Variants in SAMD4B observed in about 807,000 individuals in gnomAD.
SAMD4B encodes sterile alpha motif domain containing 4B.
In SAMD4B, 5 loss-of-function variants were observed where a neutral mutation model predicts 74.5. The ratio of observed to expected loss-of-function variants is 0.07; its 90% confidence interval spans 0.04 to 0.14. SAMD4B has a LOEUF of 0.14. Ranked by LOEUF, SAMD4B falls within the 10% of genes least tolerant of loss-of-function variation. The pLI is 1.00. For synonymous variants in SAMD4B, 373 were observed against 374.9 expected, an observed-to-expected ratio of 1.00 and a Z score of 0.06; for missense variants, 608 against 921.8, an observed-to-expected ratio of 0.66 and a Z score of 4.41.
chr19:39,344,971 C>G (rs1235202961), intron 1 of SAMD4B, among the ~76,000 whole-genome samples: 1 of 152,208 alleles, frequency 6.6e-6, no homozygotes, highest in African/African-American at 2.4e-5. Context: ...ATAATCCCTT[C>G]CCCTATAGCA....
At chr19:39,357,166 A>G (rs756365308) in intron 3 of SAMD4B, 77 bp downstream of exon 3, 19 of 1,333,574 alleles carry the variant, frequency 1.4e-5, no homozygotes, top group Non-Finnish European at 1.8e-5. Flanking sequence ...AAGAAGGTCA[A>G]CCCAACAATG....
chr19:39,355,029 C>T (rs965846020), intron 2 of SAMD4B, among the ~76,000 whole-genome samples: 2 of 152,070 alleles, frequency 1.3e-5, no homozygotes, highest in Admixed American at 6.6e-5. Context: ...TGCAGTAGCA[C>T]GCCCGGCTAA....
At chr19:39,364,422 C>T (rs2076833996) in intron 3 of SAMD4B, among the ~76,000 whole-genome samples, 3 of 152,242 alleles carry the variant, frequency 2.0e-5, no homozygotes, top group Admixed American at 2.0e-4. Context: ...TATGAGTACA[C>T]TCTGTCAGAT....
intron 3 of SAMD4B, among the ~76,000 whole-genome samples, chr19:39,358,643 A>G (rs1425940845): frequency 1.3e-5 from 2 of 152,158 alleles, no homozygotes; most frequent in Non-Finnish European, 2.9e-5. Context: ...GATGATAATT[A>G]TATCTACCTT....
At position 39,377,820 on chromosome 19, in the gene SAMD4B, C is replaced by A. The variant is rs146070439; in HGVS notation, c.1440C>A (p.Gly480=). ...DIPSQFTRVM[G]KVCTQLLVSR... ...CCAGCCAGTTTACACGGGTGATGGG[C>A]AAAGGTGAGACCAGCCACAGCCTAG... The change falls in exon 8 of 14, where the codon GGC becomes GGA. Residue 480 remains glycine, a synonymous_variant. Transcript: ENST00000610417. 1,930 of 1,585,910 alleles carry A rather than the reference C, an allele frequency of 1.2e-3. 3 individuals are homozygous for A. Among genetic ancestry groups the A allele is most frequent in the Non-Finnish European group, 1.4e-3 (1,665 of 1,162,640 alleles).
Position 39,383,406 on chromosome 19 carries a change from G to A in SAMD4B, c.2057-93G>A. 1 of 1,562,196 alleles carries A rather than the reference G, an allele frequency of 6.4e-7. No individual in the cohort carries two copies. ...CCCAGGGGAGGCCAGACTCCAGGGAGGGCCTGACTGGGATGACAGGCTACC... is the reference window on the plus strand; with the variant it reads ...CCCAGGGGAGGCCAGACTCCAGGGAAGGCCTGACTGGGATGACAGGCTACC... On this transcript the variant is annotated intron_variant, in intron 13 of 13. Transcript: ENST00000610417. The surrounding 1 kb of genome is among the most constrained non-coding windows in gnomAD (Gnocchi z 4.1).
downstream of SAMD4B, chr19:39,386,338 C>T (rs2078248250): frequency 1.2e-6 from 2 of 1,614,192 alleles, no homozygotes; most frequent in East Asian, 2.2e-5. This position sits in a 1 kb window ranked among gnomAD's most constrained non-coding sequence, Gnocchi z 6.1. Flanking sequence ...CGTTCACTCT[C>T]GCTGCCCGAG....
chr19:39,350,526 C>T (rs900423440), intron 1 of SAMD4B: 5 of 152,294 alleles, frequency 3.3e-5, no homozygotes, highest in African/African-American at 1.2e-4. Context: ...AGTCTCCAGT[C>T]CCCCAGGCTG....
rs1445209810 is a variant in SAMD4B at position 39,380,748 on chromosome 19, C to A, written c.1811C>A (p.Ala604Asp). 1 of 1,582,108 alleles carries A rather than the reference C, an allele frequency of 6.3e-7. No individual in the cohort carries two copies. The highest frequency in any genetic ancestry group is 1.8e-5 in the Admixed American group (1 of 56,218). ...SGIGGVSPRH[A>D]LTSPSLGGQG... ...ATTGGGGGTGTCTCCCCTCGACATG[C>A]CCTCACCAGCCCCAGCCTTGGAGGC... Residue 604 changes from alanine (A) to aspartate (D), a missense_variant, in exon 11 of 14, where the codon GCC becomes GAC. Ala to Asp is a moderately radical substitution (Grantham distance 126, BLOSUM62 -2). Transcript: ENST00000610417.
chr19:39,377,410 G>A (rs1600579970), intron 7 of SAMD4B, 75 bp from the exon 8 acceptor site: 2 of 1,318,614 alleles, frequency 1.5e-6, no homozygotes, highest in East Asian at 2.4e-5. Flanking sequence ...AGCCCTGTCT[G>A]ACTCTCTGTG....
downstream of SAMD4B, chr19:39,385,818 G>A: frequency 1.0e-6 from 1 of 982,666 alleles, no homozygotes; most frequent in Admixed American, 2.6e-5. Flanking sequence ...GTATGTGCTG[G>A]GCTGAATGAC....
intron 3 of SAMD4B, among the ~76,000 whole-genome samples, chr19:39,366,730 G>T (rs1600553518): frequency 6.6e-6 from 1 of 152,194 alleles, no homozygotes; most frequent in African/African-American, 2.4e-5. Flanking sequence ...CCATCCTTCA[G>T]TGTGGGCAGA....
downstream of SAMD4B, among the ~76,000 whole-genome samples, chr19:39,387,788 TA>T (rs2078285195): frequency 6.6e-6 from 1 of 152,240 alleles, no homozygotes; most frequent in Non-Finnish European, 1.5e-5. Context: ...AGTCTGTTAC[TA>T]ATACTGGGAA....
At chr19:39,389,259 C>T (rs374370267), downstream of SAMD4B, 37 of 1,610,858 alleles carry the variant, frequency 2.3e-5, no homozygotes, top group Non-Finnish European at 3.0e-5. This position sits in a 1 kb window ranked among gnomAD's most constrained non-coding sequence, Gnocchi z 5.3. Flanking sequence ...TCCACCTTCC[C>T]TCTCTTCCTG....
At chr19:39,363,393 A>AT (rs2076766341) in intron 3 of SAMD4B, among the ~76,000 whole-genome samples, 1 of 152,100 alleles carries the variant, frequency 6.6e-6, no homozygotes, top group African/African-American at 2.4e-5. Context: ...GGAATCAGAG[A>AT]TGTGTCTGTT....
chr19:39,389,110 CAA>C (rs1600612642), downstream of SAMD4B: 1 of 1,614,076 alleles, frequency 6.2e-7, no homozygotes, highest in Non-Finnish European at 8.5e-7. The surrounding 1 kb of genome is among the most constrained non-coding windows in gnomAD (Gnocchi z 5.3). Context: ...TGGGCATCCT[CAA>C]AAGTCTTCTC....
intron 12 of SAMD4B, among the ~76,000 whole-genome samples, chr19:39,381,476 T>A (rs1203768929): frequency 6.6e-6 from 1 of 152,134 alleles, no homozygotes; most frequent in Non-Finnish European, 1.5e-5. Context: ...GATGGGACAG[T>A]TAAAGTGTGA....
At position 39,357,009 on chromosome 19, in the gene SAMD4B, G is replaced by A. The variant is rs1568348559; in HGVS notation, c.116G>A (p.Arg39His). ...AAACGGGTCACCCGTACCCAGGCCC[G>A]CTTCCTGCAGCTCTGCCTGGAGCAC... ...LLKRVTRTQA[R>H]FLQLCLEHSL... Residue 39 changes from arginine (R) to histidine (H), a missense_variant, in exon 3 of 14, where the codon CGC (arginine) becomes CAC (histidine). Physicochemically the swap from Arg to His is conservative, Grantham distance 29. Around this residue, in one of 9 missense-constraint regions of SAMD4B, gnomAD observed 74 missense variants for 182.0 expected, o/e 0.41. Coordinates refer to ENST00000610417, the MANE Select transcript of SAMD4B (RefSeq NM_001384574.2). 6.2e-7 allele frequency: 1 copy of A among 1,614,068 alleles called. No individual in the cohort carries two copies.
chr19:39,388,695 G>C, downstream of SAMD4B: 1 of 1,612,054 alleles, frequency 6.2e-7, no homozygotes, highest in Non-Finnish European at 8.5e-7. Flanking sequence ...GGGAAAAGGA[G>C]TAGCAATGAA....
Sources: allele counts gnomAD v4.1 joint callset (sites outside exome capture counted in the v4.1 genomes callset), GRCh38; gene constraint gnomAD v4.1.1; regional missense constraint gnomAD v4.1.1; non-coding constraint Gnocchi (gnomAD v3.1); transcripts MANE v1.5; gene names NCBI Gene and HGNC (gene_info 2026-07-23, HGNC 2026-07-21).